Variants in NPM1 observed in about 807,000 individuals in gnomAD.
The protein encoded by NPM1 is nucleophosmin 1, also known as nucleophosmin.
In NPM1, 1 loss-of-function variant was observed where a neutral mutation model predicts 44.1. That is an observed-to-expected ratio of 0.02 (90% CI 0.01 to 0.11). NPM1 has a LOEUF of 0.11. Ranked by LOEUF, NPM1 falls within the 10% of genes least tolerant of loss-of-function variation. The pLI is 1.00. For synonymous variants in NPM1, 126 were observed against 111.8 expected (o/e 1.13, Z -0.80); for missense variants, 197 against 347.8 (o/e 0.57, Z 3.45).
upstream of NPM1, chr5:171,387,192 G>T (rs543753205): frequency 2.2e-4 from 34 of 152,302 alleles, no homozygotes; most frequent in African/African-American, 7.9e-4. Context: ...AAGGACTTTG[G>T]AGATGTTTTC....
At chr5:171,398,884 A>AT (rs1771047750) in intron 6 of NPM1, among the ~76,000 whole-genome samples, 1 of 152,154 alleles carries the variant, frequency 6.6e-6, no homozygotes, top group African/African-American at 2.4e-5. Flanking sequence ...TTTTTTTGAA[A>AT]TGAGTCTCAC....
chr5:171,405,293 CT>C lies in NPM1; in HGVS notation c.670-4del. The C allele has an allele frequency of 7.1e-7, 1 of 1,417,240 alleles. No individual in the cohort carries two copies. The allele number at this position is 1,417,240 out of a possible 1,614,324, so 87.8% of individuals were successfully genotyped here. A position where few individuals can be genotyped will look rare whatever the true frequency, so the allele number is the denominator to read the frequency against. On this transcript the variant is annotated splice_polypyrimidine_tract_variant and splice_region_variant and intron_variant, in intron 8 of 10. Transcript: ENST00000296930. Reference sequence around the variant, plus strand: ...CTTATGACCTTTTGGAAATTCATTTCTTTTTCAGGGACAAGAATCCTTCAAG... The same window carrying C: ...CTTATGACCTTTTGGAAATTCATTTCTTTTCAGGGACAAGAATCCTTCAAG...
chr5:171,405,680 TAGATC>T, intron 9 of NPM1: 1 of 381,418 alleles, frequency 2.6e-6, no homozygotes, highest in East Asian at 6.1e-5. Context: ...CATGTTAAAA[TAGATC>T]AGTGAAAACC....
intron 6 of NPM1, among the ~76,000 whole-genome samples, chr5:171,395,042 C>G (rs1171469534): frequency 1.3e-5 from 2 of 151,968 alleles, no homozygotes; most frequent in African/African-American, 4.8e-5. Flanking sequence ...AGCTGGGTAT[C>G]GTGGTGCCTG....
At chr5:171,400,254 A>G (rs762434627) in intron 7 of NPM1, 44 bp downstream of exon 7, 5 of 1,611,030 alleles carry the variant, frequency 3.1e-6, no homozygotes, top group Non-Finnish European at 4.2e-6. Context: ...TAACAATAGA[A>G]ATGGTGATTT....
At position 171,392,683 on chromosome 5, in the gene NPM1, TATA is replaced by T. The variant is rs771619546; in HGVS notation, c.353-24_353-22del. 4.8e-5 allele frequency: 73 copies of T among 1,509,404 alleles called. No individual in the cohort carries two copies. The African/African-American group carries it at 9.4e-4, about 19-fold the overall frequency. The allele number at this position is 1,509,404 out of a possible 1,614,324, so 93.5% of individuals were successfully genotyped here. ...TTCTGACTTCTTGCTGCTTGAGTTT[TATA>T]ATGTCTAATAAATTGTATTTTAGCT... On this transcript the variant is annotated intron_variant, in intron 4 of 10. Coordinates refer to ENST00000296930, the MANE Select transcript of NPM1 (RefSeq NM_002520.7).
chr5:171,393,825 G>C (rs1770720988), intron 6 of NPM1, among the ~76,000 whole-genome samples: 1 of 152,160 alleles, frequency 6.6e-6, no homozygotes, highest in African/African-American at 2.4e-5. Context: ...GGCCGAAAGA[G>C]CCGAAAGCTT....
chr5:171,397,328 A>G (rs1420812877), intron 6 of NPM1, among the ~76,000 whole-genome samples: 16 of 152,190 alleles, frequency 1.1e-4, no homozygotes, highest in Non-Finnish European at 1.5e-5. Flanking sequence ...ACTGCTATGA[A>G]CGCTTGTAGA....
intron 8 of NPM1, among the ~76,000 whole-genome samples, chr5:171,405,051 C>T (rs1352158101): frequency 6.6e-6 from 1 of 152,158 alleles, no homozygotes; most frequent in Admixed American, 6.5e-5. Flanking sequence ...AATCCTCCTG[C>T]CTTAGCCTCC....
chr5:171,387,791 C>T (rs1770303024), upstream of NPM1: 4 of 699,284 alleles, frequency 5.7e-6, no homozygotes, highest in Non-Finnish European at 7.4e-6. Flanking sequence ...GGAGGCGGGA[C>T]TTGGGAAGCG....
intron 6 of NPM1, among the ~76,000 whole-genome samples, chr5:171,397,516 C>T (rs1770969813): frequency 6.6e-6 from 1 of 152,170 alleles, no homozygotes; most frequent in East Asian, 1.9e-4. Flanking sequence ...TTGATTGCGT[C>T]TCCCTGTGGA....
At chr5:171,400,079 A>G (rs1442954268) in intron 6 of NPM1, 74 bp from the exon 7 acceptor site, 6 of 870,244 alleles carry the variant, frequency 6.9e-6, no homozygotes, top group Non-Finnish European at 1.2e-5. Flanking sequence ...TAATCACTTC[A>G]AGGTCCTGCT....
chr5:171,400,315 C>G (rs1771127476), intron 7 of NPM1, 105 bp downstream of exon 7: 1 of 1,398,700 alleles, frequency 7.1e-7, no homozygotes, highest in Non-Finnish European at 9.9e-7. Context: ...TGTGGGAGAT[C>G]ATCTCATACT....
At chr5:171,396,624 C>T (rs889404738) in intron 6 of NPM1, among the ~76,000 whole-genome samples, 3 of 152,096 alleles carry the variant, frequency 2.0e-5, no homozygotes, top group Non-Finnish European at 4.4e-5. Context: ...AAACGTGAAC[C>T]CCTTGGTATT....
At chr5:171,391,563 G>T in intron 3 of NPM1, 139 bp downstream of exon 3, 2 of 1,200,738 alleles carry the variant, frequency 1.7e-6, no homozygotes, top group Non-Finnish European at 1.2e-6. Context: ...GTCAACTCTT[G>T]AACATGGGGG....
chr5:171,408,523 A>G (rs534361706), intron 10 of NPM1, among the ~76,000 whole-genome samples: 61 of 152,208 alleles, frequency 4.0e-4, no homozygotes, highest in African/African-American at 1.3e-3. Context: ...TTGCACTTCA[A>G]TTATTTAATT....
chr5:171,394,274 G>A lies in NPM1; in HGVS notation c.524+1296G>A, dbSNP rs535925418. Among the ~76,000 whole-genome samples, 8 of 152,032 alleles carry A rather than the reference G, an allele frequency of 5.3e-5. No homozygotes were observed. The South Asian group carries it at 1.0e-3, about 20-fold the overall frequency. On this transcript the variant is annotated intron_variant, in intron 6 of 10. Transcript: ENST00000296930. ...CGGCTGGTCTTGAACTCCTAACCTC[G>A]TGATCTACCTGCCTCGGTCTCCCAA...
chr5:171,393,268 A>G (rs747603640), intron 6 of NPM1, among the ~76,000 whole-genome samples: 4 of 152,196 alleles, frequency 2.6e-5, no homozygotes, highest in Non-Finnish European at 4.4e-5. Context: ...CTGAAGATTT[A>G]GTGGATGTGT....
intron 8 of NPM1, among the ~76,000 whole-genome samples, 187 bp from the exon 9 acceptor site, chr5:171,405,115 C>T (rs145978597): frequency 6.6e-6 from 1 of 152,138 alleles, no homozygotes; most frequent in East Asian, 1.9e-4. Flanking sequence ...TCATCTTATT[C>T]CTTCCTTAAA....
Sources: gnomAD v4.1 joint callset for allele counts (sites outside exome capture counted in the v4.1 genomes callset) on GRCh38, gnomAD v4.1.1 for gene constraint, MANE v1.5 for transcripts, NCBI Gene and HGNC (gene_info 2026-07-23, HGNC 2026-07-21) for gene names.